Variants in PACS1 observed in about 807,000 individuals in gnomAD.
The protein encoded by PACS1 is phosphofurin acidic cluster sorting protein 1.
In PACS1, 24 loss-of-function variants were observed where a neutral mutation model predicts 115.0. The observed-to-expected ratio is 0.21, with a 90% CI of 0.15 to 0.29. PACS1 has a LOEUF of 0.29. PACS1 is among the 10% of genes least tolerant of loss of function. PACS1 has a pLI of 1.00. For missense variants in PACS1, 838 were observed against 1,251.2 expected (o/e 0.67, Z 4.98); for synonymous variants, 453 against 504.5 (o/e 0.90, Z 1.37).
In PACS1 at chr11:66,220,807, T is replaced by C. The variant is rs61890329; in HGVS notation, c.1199+16T>C. The C allele has an allele frequency of 0.018, 28,355 of 1,612,096 alleles. 299 individuals are homozygous for C. Among genetic ancestry groups the C allele is most frequent in the Non-Finnish European group, 0.022 (25,714 of 1,179,142 alleles). On this transcript the variant is annotated intron_variant, in intron 9 of 23. Transcript: ENST00000320580. ...CCAAGCTCAAGTGAGCCCCCCTCTCTGTAGCTGGCCTCCAGACTCTCCTTC... is the reference window on the plus strand; with the variant it reads ...CCAAGCTCAAGTGAGCCCCCCTCTCCGTAGCTGGCCTCCAGACTCTCCTTC...
At chr11:66,204,667 G>A (rs765041707) in intron 2 of PACS1, among the ~76,000 whole-genome samples, 48 of 152,200 alleles carry the variant, frequency 3.2e-4, no homozygotes, top group Non-Finnish European at 3.1e-4. Flanking sequence ...GGATGGAACT[G>A]GAGGACATTA....
chr11:66,232,926 C>A, intron 14 of PACS1, 34 bp from the exon 15 acceptor site: 1 of 1,498,166 alleles, frequency 6.7e-7, no homozygotes, highest in Non-Finnish European at 9.3e-7. Context: ...TGTGTTCTCA[C>A]CTGTGTCCCT....
At chr11:66,179,426 G>A (rs982722646) in intron 1 of PACS1, among the ~76,000 whole-genome samples, 3 of 152,030 alleles carry the variant, frequency 2.0e-5, no homozygotes, top group Admixed American at 1.3e-4. Context: ...TGATCGGCCC[G>A]CCCCAGGCTT....
intron 1 of PACS1, among the ~76,000 whole-genome samples, chr11:66,148,329 A>AT (rs993640925): frequency 4.8e-4 from 73 of 151,986 alleles, no homozygotes; most frequent in African/African-American, 1.4e-3. Flanking sequence ...TAATTTTTGT[A>AT]TTTTTTATAG....
chr11:66,090,005 C>CAAA (rs33912143), intron 1 of PACS1, among the ~76,000 whole-genome samples: 35,465 of 80,196 alleles, frequency 0.44, 8,615 homozygotes, highest in South Asian at 0.58. Flanking sequence ...GACTCCATCT[C>CAAA]AAAAAAAAAA....
chr11:66,214,040 A>C (rs1401104755), intron 4 of PACS1, among the ~76,000 whole-genome samples: 3 of 149,434 alleles, frequency 2.0e-5, no homozygotes, highest in Non-Finnish European at 4.5e-5. Flanking sequence ...CTCAAAAAAA[A>C]AAAAAAAAAA....
intron 21 of PACS1, among the ~76,000 whole-genome samples, chr11:66,240,117 G>A (rs968113421): frequency 3.9e-5 from 6 of 152,254 alleles, no homozygotes; most frequent in African/African-American, 1.2e-4. Context: ...AAGAACATGC[G>A]TGTCAGTGCC....
At chr11:66,223,536 C>T (rs1224351774) in intron 10 of PACS1, among the ~76,000 whole-genome samples, 2 of 152,034 alleles carry the variant, frequency 1.3e-5, no homozygotes, top group Non-Finnish European at 2.9e-5. Flanking sequence ...GCTGAATGGC[C>T]CTGCTGAATT....
intron 1 of PACS1, among the ~76,000 whole-genome samples, chr11:66,135,583 C>T (rs1245618665): frequency 1.3e-5 from 2 of 151,910 alleles, no homozygotes; most frequent in Non-Finnish European, 2.9e-5. Context: ...GTCACCCAGA[C>T]ACACTGTGCA....
chr11:66,233,639 C>CACAGGGA lies in PACS1; in HGVS notation c.1839-146_1839-145insACAGGGA. On this transcript the variant is annotated intron_variant, in intron 15 of 23. Coordinates refer to ENST00000320580, the MANE Select transcript of PACS1 (RefSeq NM_018026.4). The surrounding 1 kb of genome is among the most constrained non-coding windows in gnomAD (Gnocchi z 4.5). ...TTGTGAAAGCACTGTGGCTTATTCC[C>CACAGGGA]TGTATGATCCTCTCTGTTTTATTTT... The CACAGGGA allele has an allele frequency of 1.4e-6, 1 of 724,782 alleles. No individual in the cohort carries two copies. The highest frequency in any genetic ancestry group is 1.9e-5 in the South Asian group (1 of 51,670). The allele number at this position is 724,782 out of a possible 1,614,324, so 44.9% of individuals were successfully genotyped here.
intron 22 of PACS1, 50 bp from the exon 23 acceptor site, chr11:66,242,862 T>A: frequency 6.2e-7 from 1 of 1,606,892 alleles, no homozygotes; most frequent in Non-Finnish European, 8.5e-7. Flanking sequence ...AGGAGAGGGG[T>A]GGCGGCTTCC....
intron 1 of PACS1, among the ~76,000 whole-genome samples, chr11:66,079,413 C>T (rs1857448966): frequency 6.6e-6 from 1 of 151,020 alleles, no homozygotes; most frequent in African/African-American, 2.4e-5. Context: ...TTACTGATCC[C>T]TCCTCACTAA....
intron 1 of PACS1, among the ~76,000 whole-genome samples, chr11:66,135,783 A>G (rs1304178539): frequency 6.6e-6 from 1 of 151,696 alleles, no homozygotes; most frequent in Non-Finnish European, 1.5e-5. Context: ...CAGCCTCCCG[A>G]GTAGCTGGGA....
chr11:66,086,895 G>A (rs1335198223), intron 1 of PACS1, among the ~76,000 whole-genome samples: 6 of 152,192 alleles, frequency 3.9e-5, no homozygotes, highest in Non-Finnish European at 2.9e-5. Flanking sequence ...GGGATTACAG[G>A]CGTGGGGCCG....
At chr11:66,240,345 G>A (rs868665329) in intron 21 of PACS1, among the ~76,000 whole-genome samples, 87 of 152,300 alleles carry the variant, frequency 5.7e-4, no homozygotes, top group African/African-American at 2.0e-3. Flanking sequence ...CAAGAAGGCC[G>A]AGGTGAGGAG....
intron 1 of PACS1, among the ~76,000 whole-genome samples, chr11:66,090,307 C>G (rs1413765420): frequency 8.1e-6 from 1 of 122,842 alleles, no homozygotes; most frequent in African/African-American, 3.1e-5. Flanking sequence ...GGGTCTTGCT[C>G]TGTTGCCCAT....
chr11:66,176,932 G>A (rs1277354462), intron 1 of PACS1, among the ~76,000 whole-genome samples: 3 of 152,126 alleles, frequency 2.0e-5, no homozygotes, highest in African/African-American at 7.2e-5. Context: ...CTCAGGTAAA[G>A]CACTTATAAG....
chr11:66,219,781 G>A lies in PACS1; in HGVS notation c.1014G>A (p.Leu338=). ...TCAAACAGAAGTTTGTGGCCCTCCTGAAGCGGTTTAAAGTTTCAGATGAGG... is the reference window on the plus strand; with the variant it reads ...TCAAACAGAAGTTTGTGGCCCTCCTAAAGCGGTTTAAAGTTTCAGATGAGG... ...PNIKQKFVAL[L]KRFKVSDEVG... is the part of the protein sequence containing the mutation. The change falls in exon 8 of 24, where the codon CTG becomes CTA. Residue 338 remains leucine, a synonymous_variant. Coordinates refer to ENST00000320580, the MANE Select transcript of PACS1 (RefSeq NM_018026.4). 2 of 1,613,798 alleles carry A rather than the reference G, an allele frequency of 1.2e-6. No homozygotes were observed. Among genetic ancestry groups the A allele is most frequent in the Non-Finnish European group, 1.7e-6 (2 of 1,179,772 alleles).
At chr11:66,198,596 G>A (rs942021907) in intron 2 of PACS1, among the ~76,000 whole-genome samples, 2 of 152,076 alleles carry the variant, frequency 1.3e-5, no homozygotes, top group African/African-American at 4.8e-5. Context: ...GTTAGGGGTG[G>A]GGGTGGGCAG....
Sources: allele counts gnomAD v4.1 joint callset (sites outside exome capture counted in the v4.1 genomes callset), GRCh38; gene constraint gnomAD v4.1.1; non-coding constraint Gnocchi (gnomAD v3.1); transcripts MANE v1.5; gene names NCBI Gene and HGNC (gene_info 2026-07-23, HGNC 2026-07-21).